Variants in PABPC4L observed in about 807,000 individuals in gnomAD.
The protein encoded by PABPC4L is poly(A) binding protein cytoplasmic 4 like, also known as polyadenylate-binding protein 4-like.
For missense variants in PABPC4L, 452 were observed against 451.4 expected (o/e 1.00, Z -0.01); for synonymous variants, 169 against 164.1 (o/e 1.03, Z -0.23).
the PABPC4L span, among the ~76,000 whole-genome samples, chr4:133,998,544 C>A: frequency 1.3e-5 from 2 of 151,908 alleles, no homozygotes; most frequent in Admixed American, 1.3e-4. Flanking sequence ...TCAAAATCAT[C>A]TTGAATATTA....
chr4:134,126,141 A>G, the PABPC4L span, among the ~76,000 whole-genome samples: 3 of 152,116 alleles, frequency 2.0e-5, no homozygotes, highest in Admixed American at 2.0e-4. Flanking sequence ...GGAGAGAGAG[A>G]GAGAATGCAT....
the PABPC4L span, among the ~76,000 whole-genome samples, chr4:133,964,821 T>C: frequency 6.6e-6 from 1 of 152,010 alleles, no homozygotes; most frequent in Admixed American, 6.6e-5. Flanking sequence ...CATACCTCAA[T>C]GTAATAAAAG....
the PABPC4L span, among the ~76,000 whole-genome samples, chr4:134,039,355 T>A: frequency 6.6e-6 from 1 of 152,158 alleles, no homozygotes; most frequent in Non-Finnish European, 1.5e-5. Flanking sequence ...GGTCCAAAGC[T>A]GAGTTAAAGT....
chr4:133,969,039 T>C, the PABPC4L span, among the ~76,000 whole-genome samples: 1 of 152,158 alleles, frequency 6.6e-6, no homozygotes, highest in East Asian at 1.9e-4. Context: ...AGGTGTGGTT[T>C]GGGTCTCGGG....
chr4:133,952,700 A>G, the PABPC4L span, among the ~76,000 whole-genome samples: 1 of 151,904 alleles, frequency 6.6e-6, no homozygotes, highest in African/African-American at 2.4e-5. Context: ...ACACGAGGGG[A>G]TTAATTTTAC....
At position 134,200,876 on chromosome 4, in the gene PABPC4L, G is replaced by A; in HGVS notation, c.144C>T (p.Arg48=). The change falls in exon 2 of 2, where the codon CGC becomes CGT. Residue 48 remains arginine (R), a synonymous_variant. Transcript: ENST00000421491. Reference sequence around the variant, plus strand: ...TCACGTAGGCATAGCCCAGAGAGCGGCGGGTGACCTGGTCCCTGCAAATGC... The same window carrying A: ...TCACGTAGGCATAGCCCAGAGAGCGACGGGTGACCTGGTCCCTGCAAATGC... The part of the protein sequence containing the change: ...SIRICRDQVT[R]RSLGYAYVNF... The A allele has an allele frequency of 1.3e-6, 2 of 1,560,748 alleles. No individual in the cohort carries two copies. The highest frequency in any genetic ancestry group is 1.7e-6 in the Non-Finnish European group (2 of 1,152,064).
Position 134,201,079 on chromosome 4 carries a change from G to A in PABPC4L, c.-60C>T, listed in dbSNP as rs1265107960. 1 of 1,551,224 alleles carries A rather than the reference G, an allele frequency of 6.4e-7. No homozygotes were observed. Among genetic ancestry groups the A allele is most frequent in the Admixed American group, 2.0e-5 (1 of 50,982 alleles). On this transcript the variant is annotated 5_prime_UTR_variant, in exon 2 of 2. Coordinates refer to ENST00000421491, the MANE Select transcript of PABPC4L (RefSeq NM_001114734.2). ...GAGTTCTTTGAGCAATCCCTGTGGG[G>A]GGATACTAGGTCACAGCTTTGGCCC...
chr4:134,007,087 C>A, the PABPC4L span, among the ~76,000 whole-genome samples: 1 of 151,802 alleles, frequency 6.6e-6, no homozygotes, highest in African/African-American at 2.4e-5. Context: ...TTAAGGCCCA[C>A]AACCACCACC....
the PABPC4L span, among the ~76,000 whole-genome samples, chr4:134,152,556 A>C: frequency 6.6e-6 from 1 of 152,004 alleles, no homozygotes; most frequent in East Asian, 1.9e-4. Flanking sequence ...AGCCTCCAGC[A>C]CTCCTGCATT....
the PABPC4L span, among the ~76,000 whole-genome samples, chr4:133,998,938 T>C: frequency 3.3e-5 from 5 of 152,096 alleles, no homozygotes; most frequent in East Asian, 9.7e-4. Flanking sequence ...TTTTTTATTT[T>C]TATAATTTCT....
the PABPC4L span, among the ~76,000 whole-genome samples, chr4:134,155,433 C>CACACACACAG: frequency 2.0e-5 from 3 of 151,638 alleles, no homozygotes; most frequent in African/African-American, 7.3e-5. Context: ...CACACACACA[C>CACACACACAG]ACAGAGTCAT....
At chr4:134,149,120 A>G in the PABPC4L span, among the ~76,000 whole-genome samples, 1 of 152,146 alleles carries the variant, frequency 6.6e-6, no homozygotes, top group Non-Finnish European at 1.5e-5. Context: ...CTTGTTCCAA[A>G]GCACTGTTCA....
Position 134,200,508 on chromosome 4 carries a change from C to T in PABPC4L, c.512G>A (p.Arg171Lys). ...TTCACGATCTTTTCGGTTTTTGAAT[C>T]TGCCAACAAACACCTTGCAGCCCTT... is the stretch of plus-strand genomic sequence containing the variant. ...LLKGCKVFVGRFKNRKDREAE... is the reference protein window; with the variant it reads ...LLKGCKVFVGKFKNRKDREAE... The change falls in exon 2 of 2, where the codon AGA becomes AAA. Residue 171 changes from arginine to lysine, a missense_variant. Transcript: ENST00000421491. The T allele has an allele frequency of 6.4e-7, 1 of 1,551,644 alleles. No individual in the cohort carries two copies. Among genetic ancestry groups the T allele is most frequent in the Non-Finnish European group, 8.7e-7 (1 of 1,146,974 alleles).
At chr4:134,045,723 C>T in the PABPC4L span, among the ~76,000 whole-genome samples, 1 of 152,094 alleles carries the variant, frequency 6.6e-6, no homozygotes, top group Admixed American at 6.6e-5. Context: ...TTACTACTAT[C>T]CTCTGTCCTT....
the PABPC4L span, among the ~76,000 whole-genome samples, chr4:134,031,812 C>A: frequency 1.3e-5 from 2 of 151,738 alleles, no homozygotes; most frequent in Non-Finnish European, 2.9e-5. Context: ...GGAGAAGATC[C>A]TTAATAAATA....
the PABPC4L span, among the ~76,000 whole-genome samples, chr4:133,967,504 T>A: frequency 6.6e-6 from 1 of 152,066 alleles, no homozygotes; most frequent in South Asian, 2.1e-4. Flanking sequence ...TTAAATAACC[T>A]AAGAAGAGAA....
At chr4:134,074,771 G>T in the PABPC4L span, among the ~76,000 whole-genome samples, 3 of 152,138 alleles carry the variant, frequency 2.0e-5, no homozygotes, top group Non-Finnish European at 4.4e-5. Context: ...GGAGAGAGAG[G>T]TGGAAGCAAA....
At chr4:133,995,240 G>A in the PABPC4L span, among the ~76,000 whole-genome samples, 2 of 152,102 alleles carry the variant, frequency 1.3e-5, no homozygotes, top group Non-Finnish European at 2.9e-5. Context: ...CTTTTCCCAC[G>A]TTACCTTGGT....
chr4:134,074,904 C>T, the PABPC4L span, among the ~76,000 whole-genome samples: 1,410 of 152,196 alleles, frequency 9.3e-3, 18 homozygotes, highest in African/African-American at 0.032. Flanking sequence ...TCCCACTCTA[C>T]ATGGGGATTA....
Sources: allele counts gnomAD v4.1 joint callset (sites outside exome capture counted in the v4.1 genomes callset), GRCh38; gene constraint gnomAD v4.1.1; transcripts MANE v1.5; gene names NCBI Gene and HGNC (gene_info 2026-07-23, HGNC 2026-07-21).